MAP3K4: variants seen among roughly 807,000 people sequenced by gnomAD.
MAP3K4 encodes the protein mitogen-activated protein kinase kinase kinase 4, also known as MAP three kinase 1.
Under a neutral mutation model 185.6 loss-of-function variants are expected in MAP3K4, and 67 were observed. The ratio of observed to expected loss-of-function variants is 0.36; its 90% CI spans 0.30 to 0.44. The LOEUF is 0.44. Ranked by LOEUF, MAP3K4 falls within the 20% of genes least tolerant of loss-of-function variation. MAP3K4 has a pLI of 1.00. For synonymous variants in MAP3K4, 702 were observed against 710.4 expected, an observed-to-expected ratio of 0.99 and a Z score of 0.19; for missense variants, 1,551 against 1,995.1, an observed-to-expected ratio of 0.78 and a Z score of 4.24.
At position 161,077,069 on chromosome 6, in the gene MAP3K4, G is replaced by A. The variant is rs941720291; in HGVS notation, c.2097+3457G>A. The stretch of plus-strand genomic sequence containing the variant: ...GGAAATTTATATACATTATAATCCA[G>A]TTTAGGTAACAGATGAAAAACGTAG... On this transcript the variant is annotated intron_variant, in intron 5 of 26. Coordinates refer to ENST00000392142, the MANE Select transcript of MAP3K4 (RefSeq NM_005922.4). The surrounding 1 kb of genome is among the most constrained non-coding windows in gnomAD (Gnocchi z 4.3). 1.3e-5 allele frequency among the ~76,000 whole-genome samples: 2 copies of A among 152,166 alleles called. No individual in the cohort carries two copies. Among genetic ancestry groups the A allele is most frequent in the African/African-American group, 4.8e-5 (2 of 41,440 alleles).
intron 2 of MAP3K4, among the ~76,000 whole-genome samples, chr6:161,040,265 T>C (rs1231919330): frequency 6.6e-6 from 1 of 152,110 alleles, no homozygotes; most frequent in African/African-American, 2.4e-5. Context: ...AGTATGAAAT[T>C]TACTGGAAAT....
In MAP3K4 at chr6:161,073,793, G is replaced by A. The variant is rs995216739; in HGVS notation, c.2097+181G>A. 2.6e-5 allele frequency among the ~76,000 whole-genome samples: 4 copies of A among 152,180 alleles called. No homozygotes were observed. The highest frequency in any genetic ancestry group is 9.6e-5 in the African/African-American group (4 of 41,452). ...TTGTGTGTGTGTATTGCGGAGGGCG[G>A]TGGTGGTGATCTTGAATCAGAGTCT... On this transcript the variant is annotated intron_variant, in intron 5 of 26. Transcript: ENST00000392142. This position sits in a 1 kb window ranked among gnomAD's most constrained non-coding sequence, Gnocchi z 4.2.
rs1383344762 is a variant in MAP3K4, at chr6:161,063,837, T to C, written c.1708-6771T>C. Among the ~76,000 whole-genome samples, 1 of 152,220 alleles carries C rather than the reference T, an allele frequency of 6.6e-6. No homozygotes were observed. Among genetic ancestry groups the C allele is most frequent in the East Asian group, 1.9e-4 (1 of 5,186 alleles). ...CTTTTCATAGAGCACTCATCATGAC[T>C]TGGGAATTGCCTCTTTACGCCCTTC... On this transcript the variant is annotated intron_variant, in intron 3 of 26. Coordinates refer to ENST00000392142, the MANE Select transcript of MAP3K4 (RefSeq NM_005922.4). The surrounding 1 kb of genome is among the most constrained non-coding windows in gnomAD (Gnocchi z 5.4).
At chr6:161,010,746 A>G (rs1367111992) in intron 1 of MAP3K4, among the ~76,000 whole-genome samples, 1 of 152,256 alleles carries the variant, frequency 6.6e-6, no homozygotes. Flanking sequence ...TTATCCTGCT[A>G]CATGCAGATG....
At chr6:161,079,658 A>G (rs991371942) in intron 5 of MAP3K4, among the ~76,000 whole-genome samples, 15 of 152,178 alleles carry the variant, frequency 9.9e-5, no homozygotes, top group African/African-American at 3.6e-4. Flanking sequence ...AAGGAAAAAC[A>G]CGGAGATGGG....
In MAP3K4 at chr6:161,048,917, G is replaced by A. The variant is rs1185015702; in HGVS notation, c.645G>A (p.Arg215=). The change falls in exon 3 of 27, where the codon AGG becomes AGA. Residue 215 remains arginine (R), a synonymous_variant. Coordinates refer to ENST00000392142, the MANE Select transcript of MAP3K4 (RefSeq NM_005922.4). This position sits in a 1 kb window ranked among gnomAD's most constrained non-coding sequence, Gnocchi z 4.7. ...CCAGACCTGCACGCCAGACTTCTAG[G>A]ACTGACTGTCCAGCAGATCGTTTAA... The part of the protein sequence containing the change: ...PIARPARQTS[R]TDCPADRLKF... The A allele has an allele frequency of 6.2e-7, 1 of 1,614,094 alleles. No individual in the cohort carries two copies. The highest frequency in any genetic ancestry group is 1.7e-5 in the Admixed American group (1 of 59,982).
In MAP3K4 at chr6:161,097,098, C is replaced by T; in HGVS notation, c.3446C>T (p.Pro1149Leu). Residue 1149 changes from proline (P) to leucine (L), a missense_variant, in exon 16 of 27, where the codon CCC becomes CTC. Pro to Leu is a moderately conservative substitution (Grantham distance 98). Transcript: ENST00000392142. The surrounding 1 kb of genome is among the most constrained non-coding windows in gnomAD (Gnocchi z 4.9). ...CTGGCAGCCATTCATCGGAACAGCC[C>T]CCGTCCTATGAAGGTACCTCGATGC... ...GLYLAIHRNS[P>L]RPMKVPRCHS... 2 of 1,614,096 alleles carry T rather than the reference C, an allele frequency of 1.2e-6. No homozygotes were observed. The highest frequency in any genetic ancestry group is 1.7e-6 in the Non-Finnish European group (2 of 1,180,004).
At position 161,074,537 on chromosome 6, in the gene MAP3K4, T is replaced by C. The variant is rs1476080624; in HGVS notation, c.2097+925T>C. 6.6e-6 allele frequency among the ~76,000 whole-genome samples: 1 copy of C among 152,256 alleles called. No individual in the cohort carries two copies. Among genetic ancestry groups the C allele is most frequent in the Non-Finnish European group, 1.5e-5 (1 of 68,046 alleles). On this transcript the variant is annotated intron_variant, in intron 5 of 26. Transcript: ENST00000392142. The surrounding 1 kb of genome is among the most constrained non-coding windows in gnomAD (Gnocchi z 5.0). ...ACAGTTAGAACTATATGGTTTAACA[T>C]TTAAACAGAGACTCTTTTCTCAGGT...
Position 160,998,119 on chromosome 6 carries a change from G to A in MAP3K4, c.152+6036G>A, listed in dbSNP as rs1248604455. On this transcript the variant is annotated intron_variant, in intron 1 of 26. Transcript: ENST00000392142. ...ACTTCTGGTCTCAAAGAATTCTTTT[G>A]CCTTGGCCTCCCAAGTAGGTGGTAC... 2.0e-5 allele frequency among the ~76,000 whole-genome samples: 3 copies of A among 152,280 alleles called. No homozygotes were observed. In the East Asian group the frequency reaches 5.8e-4, roughly 29 times the overall value.
intron 2 of MAP3K4, among the ~76,000 whole-genome samples, chr6:161,047,722 T>C (rs74781111): frequency 0.038 from 5,830 of 152,208 alleles, 152 homozygotes; most frequent in South Asian, 0.072. Flanking sequence ...AGGGACTAAC[T>C]TAAGGAAGTG....
Position 161,022,125 on chromosome 6 carries a change from G to A in MAP3K4, c.153-12134G>A. 1 of 152,150 alleles carries A rather than the reference G, an allele frequency of 6.6e-6. No homozygotes were observed. Among genetic ancestry groups the A allele is most frequent in the East Asian group, 1.9e-4 (1 of 5,188 alleles). The allele number at this position is 152,150 out of a possible 1,614,324, so 9.4% of individuals were successfully genotyped here. ...CACACGCACACCGGCACACACCCAG[G>A]CTCATGTGAAAGGAACGGAGACTCA... On this transcript the variant is annotated intron_variant, in intron 1 of 26. Coordinates refer to ENST00000392142, the MANE Select transcript of MAP3K4 (RefSeq NM_005922.4). This position sits in a 1 kb window ranked among gnomAD's most constrained non-coding sequence, Gnocchi z 4.2.
At position 161,080,308 on chromosome 6, in the gene MAP3K4, G is replaced by A. The variant is rs1221815889; in HGVS notation, c.2098-573G>A. On this transcript the variant is annotated intron_variant, in intron 5 of 26. Transcript: ENST00000392142. This position sits in a 1 kb window ranked among gnomAD's most constrained non-coding sequence, Gnocchi z 4.8. ...AATCTAAAGGAGGATTTAAGAACGG[G>A]AAAGCTGTTGTAATAGGACTTGTGG... is the stretch of plus-strand genomic sequence containing the variant. Among the ~76,000 whole-genome samples the A allele has an allele frequency of 1.3e-5, 2 of 152,194 alleles. No individual in the cohort carries two copies. Among genetic ancestry groups the A allele is most frequent in the Non-Finnish European group, 2.9e-5 (2 of 68,042 alleles).
Position 161,053,188 on chromosome 6 carries a change from G to A in MAP3K4, c.1707+3209G>A, listed in dbSNP as rs1289807235. ...ATGATGGAAGGCAAAGCCAGAGCAG[G>A]CACTTCTCATGGCTGGAGCACGGGC... On this transcript the variant is annotated intron_variant, in intron 3 of 26. Transcript: ENST00000392142. This position sits in a 1 kb window ranked among gnomAD's most constrained non-coding sequence, Gnocchi z 4.2. Among the ~76,000 whole-genome samples, 1 of 152,160 alleles carries A rather than the reference G, an allele frequency of 6.6e-6. No individual in the cohort carries two copies. Among genetic ancestry groups the A allele is most frequent in the Admixed American group, 6.6e-5 (1 of 15,266 alleles).
In MAP3K4 at chr6:161,109,310, A is replaced by G. The variant is rs969691299; in HGVS notation, c.4237-445A>G. ...AAATAAACACGTCGAGGGAAAGAGG[A>G]TAACTTGGAGCATCGTGGTGTAGAG... is the stretch of plus-strand genomic sequence containing the variant. On this transcript the variant is annotated intron_variant, in intron 22 of 26. Transcript: ENST00000392142. This position sits in a 1 kb window ranked among gnomAD's most constrained non-coding sequence, Gnocchi z 5.7. Among the ~76,000 whole-genome samples, 4 of 152,148 alleles carry G rather than the reference A, an allele frequency of 2.6e-5. No homozygotes were observed. Among genetic ancestry groups the G allele is most frequent in the African/African-American group, 4.8e-5 (2 of 41,424 alleles).
At chr6:161,069,797 G>A (rs568156574) in intron 3 of MAP3K4, among the ~76,000 whole-genome samples, 4 of 152,110 alleles carry the variant, frequency 2.6e-5, no homozygotes, top group African/African-American at 9.7e-5. Flanking sequence ...GGAATGATGG[G>A]GAGGGGAGAA....
Position 161,109,921 on chromosome 6 carries a change from C to T in MAP3K4, c.4396+7C>T. Reference sequence around the variant, plus strand: ...GTCCACCGTGACATTAAAGGTAATCCCACACCCGCCTGGCTGCTGTGGGCC... The same window carrying T: ...GTCCACCGTGACATTAAAGGTAATCTCACACCCGCCTGGCTGCTGTGGGCC... On this transcript the variant is annotated splice_region_variant and intron_variant, in intron 23 of 26. Coordinates refer to ENST00000392142, the MANE Select transcript of MAP3K4 (RefSeq NM_005922.4). This position sits in a 1 kb window ranked among gnomAD's most constrained non-coding sequence, Gnocchi z 5.7. The T allele has an allele frequency of 6.2e-7, 1 of 1,613,284 alleles. No homozygotes were observed. Among genetic ancestry groups the T allele is most frequent in the Non-Finnish European group, 8.5e-7 (1 of 1,179,810 alleles).
At chr6:161,044,892 G>T (rs138403242) in intron 2 of MAP3K4, among the ~76,000 whole-genome samples, 10 of 152,224 alleles carry the variant, frequency 6.6e-5, no homozygotes, top group African/African-American at 1.9e-4. Flanking sequence ...GCTGGTTCCC[G>T]TGGGGAGGGC....
intron 1 of MAP3K4, among the ~76,000 whole-genome samples, chr6:161,005,618 A>C (rs1781549245): frequency 6.6e-6 from 1 of 152,152 alleles, no homozygotes; most frequent in South Asian, 2.1e-4. Context: ...ATAATGATTA[A>C]ATTTGTTTAA....
chr6:161,055,692 A>G (rs993080280), intron 3 of MAP3K4, among the ~76,000 whole-genome samples: 2 of 152,178 alleles, frequency 1.3e-5, no homozygotes, highest in Admixed American at 6.5e-5. Flanking sequence ...TGTTCTCATG[A>G]TTAGACTGGG....
Sources: allele counts gnomAD v4.1 joint callset (sites outside exome capture counted in the v4.1 genomes callset), GRCh38; gene constraint gnomAD v4.1.1; non-coding constraint Gnocchi (gnomAD v3.1); transcripts MANE v1.5; gene names NCBI Gene and HGNC (gene_info 2026-07-23, HGNC 2026-07-21).